PTPRT: variants seen among roughly 807,000 people sequenced by gnomAD.
PTPRT encodes the protein receptor-type tyrosine-protein phosphatase T.
Under a neutral mutation model 176.8 loss-of-function variants are expected in PTPRT, and 56 were observed. That is an observed-to-expected ratio of 0.32 (90% CI 0.26 to 0.40). The LOEUF (loss-of-function observed/expected upper bound fraction) is 0.40, where lower values mean the gene tolerates loss of function less well. PTPRT is among the 10% of genes least tolerant of loss of function. The pLI is 1.00. For missense variants in PTPRT, 1,540 were observed against 1,908.2 expected (o/e 0.81, Z 3.60); for synonymous variants, 783 against 739.0 (o/e 1.06, Z -0.96).
intron 1 of PTPRT, among the ~76,000 whole-genome samples, chr20:43,135,484 T>G (rs1401540750): frequency 6.6e-6 from 1 of 152,200 alleles, no homozygotes; most frequent in African/African-American, 2.4e-5. Flanking sequence ...ATATTCACAT[T>G]GATGGTCTCC....
chr20:42,969,136 A>C (rs1982474326), intron 1 of PTPRT: 1 of 152,202 alleles, frequency 6.6e-6, no homozygotes, highest in Non-Finnish European at 1.5e-5. Flanking sequence ...ACTTGCCTAA[A>C]GGAAAATGCT....
chr20:43,161,764 C>CA (rs138110218), intron 1 of PTPRT, among the ~76,000 whole-genome samples: 8,785 of 151,988 alleles, frequency 0.058, 364 homozygotes, highest in Non-Finnish European at 0.081. Context: ...CTCTGATGGG[C>CA]AAAAAAACCC....
chr20:42,569,306 C>A (rs770590907), intron 7 of PTPRT, among the ~76,000 whole-genome samples: 1 of 151,506 alleles, frequency 6.6e-6, no homozygotes, highest in Non-Finnish European at 1.5e-5. Context: ...GTCTCCTTTC[C>A]CAATAGACTG....
chr20:42,502,091 G>A (rs988545566), intron 7 of PTPRT, among the ~76,000 whole-genome samples: 1 of 151,808 alleles, frequency 6.6e-6, no homozygotes, highest in Non-Finnish European at 1.5e-5. Context: ...TATTCATTTT[G>A]TTTACTTCTT....
intron 1 of PTPRT, among the ~76,000 whole-genome samples, chr20:42,890,955 C>T (rs2079181814): frequency 6.6e-6 from 1 of 152,218 alleles, no homozygotes. Flanking sequence ...GGGGTTTCCC[C>T]TTTCGCTTGG....
At chr20:42,037,903 G>A in the PTPRT span, among the ~76,000 whole-genome samples, 1 of 152,174 alleles carries the variant, frequency 6.6e-6, no homozygotes, top group African/African-American at 2.4e-5. Flanking sequence ...TGGGGTGTAG[G>A]AGGCACAGCT....
intron 2 of PTPRT, among the ~76,000 whole-genome samples, chr20:42,853,939 C>A (rs2078519178): frequency 6.6e-6 from 1 of 152,152 alleles, no homozygotes; most frequent in Non-Finnish European, 1.5e-5. Context: ...CAAATCTGGG[C>A]AGGACCAGAT....
At chr20:42,125,750 T>A (rs1987822499) in intron 19 of PTPRT, among the ~76,000 whole-genome samples, 1 of 152,196 alleles carries the variant, frequency 6.6e-6, no homozygotes, top group African/African-American at 2.4e-5. Context: ...AATACCAAAG[T>A]GTATCTTGGC....
intron 21 of PTPRT, among the ~76,000 whole-genome samples, chr20:42,117,571 G>A (rs554837140): frequency 2.3e-4 from 35 of 152,320 alleles, no homozygotes; most frequent in Non-Finnish European, 4.3e-4. Context: ...AGGGGAAGAA[G>A]AGCGGGTAGC....
intron 2 of PTPRT, among the ~76,000 whole-genome samples, chr20:42,839,957 C>T (rs966235032): frequency 6.6e-6 from 1 of 152,016 alleles, no homozygotes; most frequent in Non-Finnish European, 1.5e-5. Context: ...GGTTGTATAC[C>T]CTGGCCTAAT....
At chr20:42,360,968 A>G (rs1286346824) in intron 9 of PTPRT, among the ~76,000 whole-genome samples, 2 of 152,254 alleles carry the variant, frequency 1.3e-5, no homozygotes, top group Non-Finnish European at 2.9e-5. Context: ...ATGAAAATGT[A>G]ACAAATCCTC....
intron 8 of PTPRT, among the ~76,000 whole-genome samples, chr20:42,469,982 G>C (rs755122386): frequency 2.6e-5 from 4 of 152,086 alleles, no homozygotes; most frequent in Admixed American, 2.6e-4. Flanking sequence ...TGAAACAAGA[G>C]TACTAGATCC....
At chr20:42,273,953 G>A (rs2056982767) in intron 13 of PTPRT, among the ~76,000 whole-genome samples, 1 of 152,224 alleles carries the variant, frequency 6.6e-6, no homozygotes, top group Non-Finnish European at 1.5e-5. Flanking sequence ...GCTATCTGGG[G>A]TAGGAACAGA....
intron 13 of PTPRT, among the ~76,000 whole-genome samples, chr20:42,275,056 G>C (rs1407434823): frequency 1.3e-5 from 2 of 152,132 alleles, no homozygotes; most frequent in African/African-American, 2.4e-5. Flanking sequence ...GAGCCCATTT[G>C]GCCCATCATT....
chr20:42,836,432 A>T (rs1353760248), intron 2 of PTPRT, among the ~76,000 whole-genome samples: 4 of 152,212 alleles, frequency 2.6e-5, no homozygotes, highest in African/African-American at 9.6e-5. Context: ...TATTTCCTGC[A>T]AAGCCCTCCC....
At chr20:42,711,292 T>C (rs1437810961) in intron 6 of PTPRT, among the ~76,000 whole-genome samples, 3 of 152,156 alleles carry the variant, frequency 2.0e-5, no homozygotes, top group Non-Finnish European at 1.5e-5. Flanking sequence ...GTTTGAATGT[T>C]TGCCCCCTCT....
chr20:42,638,455 T>G (rs112823822), intron 7 of PTPRT, among the ~76,000 whole-genome samples: 2 of 152,118 alleles, frequency 1.3e-5, no homozygotes, highest in African/African-American at 4.8e-5. Flanking sequence ...ATCCTAATCT[T>G]GAGTCTATGG....
At chr20:43,080,328 C>T (rs971537489) in intron 1 of PTPRT, among the ~76,000 whole-genome samples, 3 of 152,240 alleles carry the variant, frequency 2.0e-5, no homozygotes, top group African/African-American at 7.2e-5. Context: ...AGAAACACAG[C>T]CAACCTACAA....
intron 11 of PTPRT, among the ~76,000 whole-genome samples, chr20:42,339,485 C>T (rs919970349): frequency 6.6e-6 from 1 of 152,182 alleles, no homozygotes. Flanking sequence ...CTTCACAGAA[C>T]AAGGCAAAAC....
Sources: allele counts gnomAD v4.1 joint callset (sites outside exome capture counted in the v4.1 genomes callset), GRCh38; gene constraint gnomAD v4.1.1; transcripts MANE v1.5; gene names NCBI Gene and HGNC (gene_info 2026-07-23, HGNC 2026-07-21).